Variants in NCKAP5 observed in about 807,000 individuals in gnomAD.
NCKAP5 encodes NCK associated protein 5, also known as nck-associated protein 5.
NCKAP5 carries 92 observed loss-of-function variants against 167.0 expected under a neutral mutation model. The ratio of observed to expected loss-of-function variants is 0.55; its 90% CI spans 0.47 to 0.66. NCKAP5 has a LOEUF of 0.66. Ranked by LOEUF, NCKAP5 falls within the 30% of genes least tolerant of loss-of-function variation. The pLI is 0.00. For synonymous variants in NCKAP5, 891 were observed against 877.4 expected, an observed-to-expected ratio of 1.02 and a Z score of -0.27; for missense variants, 2,378 against 2,315.0, an observed-to-expected ratio of 1.03 and a Z score of -0.56.
rs1017766150 is a variant in NCKAP5, at chr2:133,136,645, A to T, written c.208-6534T>A. On this transcript the variant is annotated intron_variant, in intron 5 of 19. Transcript: ENST00000409261. ...TTGAGTCATACTTTATGACCAAAGA[A>T]TCATGGGGAAAACATTAGTACTCTT... is the stretch of plus-strand genomic sequence containing the variant. 5.9e-5 allele frequency among the ~76,000 whole-genome samples: 9 copies of T among 152,370 alleles called. No individual in the cohort carries two copies. In the East Asian group the frequency reaches 1.7e-3, roughly 29 times the overall value.
chr2:132,689,575 A>G (rs1686452707), intron 19 of NCKAP5, among the ~76,000 whole-genome samples: 3 of 152,188 alleles, frequency 2.0e-5, no homozygotes, highest in African/African-American at 7.2e-5. Flanking sequence ...CAGTGCAGAC[A>G]TGGCTAATAC....
chr2:132,729,098 G>A, intron 17 of NCKAP5, 146 bp from the exon 18 acceptor site: 1 of 1,107,696 alleles, frequency 9.0e-7, no homozygotes. Flanking sequence ...CTGTCCCACT[G>A]TAGTCTGTGC....
At chr2:132,699,640 C>G (rs1558939569) in intron 19 of NCKAP5, among the ~76,000 whole-genome samples, 2 of 152,194 alleles carry the variant, frequency 1.3e-5, no homozygotes. Flanking sequence ...TCATCCATGT[C>G]CCTACAAAGG....
chr2:133,549,090 T>A (rs1416330137), intron 2 of NCKAP5, among the ~76,000 whole-genome samples: 9 of 150,724 alleles, frequency 6.0e-5, no homozygotes, highest in Admixed American at 6.6e-5. Context: ...TAGTCTCTGA[T>A]AAAACAGACT....
At chr2:133,591,564 T>C in the NCKAP5 span, among the ~76,000 whole-genome samples, 1 of 152,192 alleles carries the variant, frequency 6.6e-6, no homozygotes, top group African/African-American at 2.4e-5. Context: ...TTGGAGAACA[T>C]TTTAACAACT....
chr2:132,716,582 G>C (rs1178905986), intron 19 of NCKAP5, among the ~76,000 whole-genome samples: 1 of 151,762 alleles, frequency 6.6e-6, no homozygotes, highest in Non-Finnish European at 1.5e-5. Flanking sequence ...ACTTGAGGGG[G>C]GTAACACTGG....
intron 5 of NCKAP5, among the ~76,000 whole-genome samples, chr2:133,147,325 G>A (rs913516319): frequency 5.9e-5 from 9 of 152,136 alleles, no homozygotes; most frequent in Admixed American, 3.3e-4. Context: ...CGCATCTTGC[G>A]TGCTAATGTT....
At position 132,673,299 on chromosome 2, in the gene NCKAP5, T is replaced by C. The variant is rs1048142449; in HGVS notation, c.5720A>G (p.Glu1907Gly). 15 of 1,484,998 alleles carry C rather than the reference T, an allele frequency of 1.0e-5. No individual in the cohort carries two copies. The highest frequency in any genetic ancestry group is 2.8e-5 in the African/African-American group (2 of 70,626). The allele number at this position is 1,484,998 out of a possible 1,614,324, so 92.0% of individuals were successfully genotyped here. The change falls in exon 20 of 20, where the codon GAG becomes GGG. Residue 1907 changes from glutamate to glycine, a missense_variant. Glu to Gly is a moderately conservative substitution (Grantham distance 98). This residue lies in a region of NCKAP5 where 1,325 missense variants were observed against 1,274.5 expected (regional missense o/e 1.04). Transcript: ENST00000409261. ...TCGTCTTTTGTTTCTTCAAGTTGTC[T>C]CAATTTCTGCAATAAAAAGAAGAAA... is the stretch of plus-strand genomic sequence containing the variant. ...KALKSAAPEIETT is the reference protein window; with the variant it reads ...KALKSAAPEIGTT
At chr2:132,940,551 A>T (rs1050732232) in intron 8 of NCKAP5, among the ~76,000 whole-genome samples, 1 of 152,242 alleles carries the variant, frequency 6.6e-6, no homozygotes, top group Non-Finnish European at 1.5e-5. Context: ...CAGTAAAAAA[A>T]ATAACTAGCA....
intron 3 of NCKAP5, among the ~76,000 whole-genome samples, chr2:133,489,553 A>G (rs1167179645): frequency 6.6e-6 from 1 of 152,210 alleles, no homozygotes; most frequent in African/African-American, 2.4e-5. Context: ...ACAGCAAAAT[A>G]GAATCATAGG....
At chr2:133,602,562 G>C in the NCKAP5 span, among the ~76,000 whole-genome samples, 565 of 152,292 alleles carry the variant, frequency 3.7e-3, 6 homozygotes, top group African/African-American at 0.013. Context: ...TCTCAGAAGA[G>C]GCTAAAGTGG....
intron 6 of NCKAP5, among the ~76,000 whole-genome samples, chr2:133,128,584 A>G (rs902790952): frequency 2.0e-5 from 3 of 149,846 alleles, no homozygotes; most frequent in African/African-American, 7.5e-5. Context: ...GATTCTAGTG[A>G]TCTCTCTCTC....
the NCKAP5 span, among the ~76,000 whole-genome samples, chr2:133,645,890 A>C: frequency 6.6e-6 from 1 of 151,994 alleles, no homozygotes; most frequent in South Asian, 2.1e-4. Flanking sequence ...GAATGAATAC[A>C]TTTTACCATA....
chr2:132,699,367 A>C (rs553662203), intron 19 of NCKAP5, among the ~76,000 whole-genome samples: 196 of 152,274 alleles, frequency 1.3e-3, no homozygotes, highest in Non-Finnish European at 2.6e-3. Flanking sequence ...TCTAGGGTAC[A>C]TGTGCACAAT....
At chr2:133,447,264 C>G (rs1273250369) in intron 3 of NCKAP5, among the ~76,000 whole-genome samples, 1 of 152,140 alleles carries the variant, frequency 6.6e-6, no homozygotes. Context: ...ATGTGCATAT[C>G]TTACTGAGCT....
At chr2:132,821,299 C>A (rs1433071440) in intron 11 of NCKAP5, among the ~76,000 whole-genome samples, 1 of 152,180 alleles carries the variant, frequency 6.6e-6, no homozygotes, top group African/African-American at 2.4e-5. Flanking sequence ...AGGATTTAAC[C>A]TTACCTAGGG....
chr2:132,940,731 A>G (rs550604459), intron 8 of NCKAP5, among the ~76,000 whole-genome samples: 2 of 152,130 alleles, frequency 1.3e-5, no homozygotes, highest in East Asian at 1.9e-4. Flanking sequence ...TTTTTCAAAG[A>G]TCTGGGTCTC....
intron 3 of NCKAP5, among the ~76,000 whole-genome samples, chr2:133,478,172 G>A (rs773605130): frequency 3.9e-5 from 6 of 152,138 alleles, no homozygotes; most frequent in Admixed American, 3.3e-4. Context: ...TTCTCTTTTA[G>A]ATATTGTTCT....
At chr2:133,196,898 C>T (rs2085459647) in intron 5 of NCKAP5, among the ~76,000 whole-genome samples, 1 of 152,128 alleles carries the variant, frequency 6.6e-6, no homozygotes, top group Non-Finnish European at 1.5e-5. Flanking sequence ...AAGGATGGCA[C>T]TCAGATGGCA....
Sources: allele counts gnomAD v4.1 joint callset (sites outside exome capture counted in the v4.1 genomes callset), GRCh38; gene constraint gnomAD v4.1.1; regional missense constraint gnomAD v4.1.1; transcripts MANE v1.5; gene names NCBI Gene and HGNC (gene_info 2026-07-23, HGNC 2026-07-21).